The following MCC variants were observed in gnomAD, a reference collection of about 807,000 sequenced individuals.
MCC encodes MCC regulator of Wnt signaling pathway, also known as colorectal mutant cancer protein.
In MCC, 90 loss-of-function variants were observed where a neutral mutation model predicts 116.2. The observed-to-expected ratio is 0.77, with a 90% CI of 0.65 to 0.92. MCC has a LOEUF of 0.92. Ranked by LOEUF, MCC falls within the 40% of genes least tolerant of loss-of-function variation. The probability of loss-of-function intolerance (pLI) is 0.00; values close to 1 mark genes in which losing one functional copy is unlikely to be tolerated. For missense variants in MCC, 1,516 were observed against 1,312.2 expected (o/e 1.16, Z -2.40); for synonymous variants, 578 against 510.5 (o/e 1.13, Z -1.78).
intron 17 of MCC, among the ~76,000 whole-genome samples, chr5:113,038,385 C>T (rs868854660): frequency 6.6e-6 from 1 of 152,028 alleles, no homozygotes. Flanking sequence ...GACTCTCTTT[C>T]TGTGTGGGGA....
intron 5 of MCC, among the ~76,000 whole-genome samples, chr5:113,124,959 A>C (rs1209566875): frequency 6.6e-6 from 1 of 152,246 alleles, no homozygotes; most frequent in Non-Finnish European, 1.5e-5. Context: ...GCTCAAGATC[A>C]GTTAGGACCT....
chr5:113,434,135 G>A lies in MCC; in HGVS notation c.171-48923C>T. 1 of 1,614,206 alleles carries A rather than the reference G, an allele frequency of 6.2e-7. No homozygotes were observed. Among genetic ancestry groups the A allele is most frequent in the East Asian group, 2.2e-5 (1 of 44,888 alleles). Reference sequence around the variant, plus strand: ...CGCCTGTCAGGTGCTTGGAGCGTGGGAAGTTGACGCGGTGCTCCTTCTGGA... The same window carrying A: ...CGCCTGTCAGGTGCTTGGAGCGTGGAAAGTTGACGCGGTGCTCCTTCTGGA... On this transcript the variant is annotated intron_variant, in intron 1 of 18. Coordinates refer to ENST00000408903, the MANE Select transcript of MCC (RefSeq NM_001085377.2). The surrounding 1 kb of genome is among the most constrained non-coding windows in gnomAD (Gnocchi z 4.2).
chr5:113,258,246 G>A (rs1404356866), intron 3 of MCC, among the ~76,000 whole-genome samples: 4 of 152,212 alleles, frequency 2.6e-5, no homozygotes, highest in Admixed American at 2.6e-4. Context: ...ATGTGCTTAT[G>A]TGTATACTGA....
chr5:113,032,095 A>G lies in MCC; in HGVS notation c.2757-3039T>C, dbSNP rs370966765. Among the ~76,000 whole-genome samples, 46 of 152,338 alleles carry G rather than the reference A, an allele frequency of 3.0e-4. 1 individual carries two copies. Among genetic ancestry groups the G allele is most frequent in the African/African-American group, 9.6e-4 (40 of 41,580 alleles). ...TCATGACAACACAAAAAAATGTAAA[A>G]TATCTATTTAGTTTAAAAAATACTG... On this transcript the variant is annotated intron_variant, in intron 17 of 18. Coordinates refer to ENST00000408903, the MANE Select transcript of MCC (RefSeq NM_001085377.2).
rs117049411 is a variant in MCC at position 113,030,871 on chromosome 5, G to A, written c.2757-1815C>T. ...TAACTCCTGAAGGGGGTTGATGGGA[G>A]GCTTTCATTTTCTACTTCACTCACT... On this transcript the variant is annotated intron_variant, in intron 17 of 18. Transcript: ENST00000408903. Among the ~76,000 whole-genome samples, 372 of 152,276 alleles carry A rather than the reference G, an allele frequency of 2.4e-3. 12 individuals carry two copies. The East Asian group carries it at 0.069, about 28-fold the overall frequency.
At chr5:113,283,011 C>G (rs997831844) in intron 3 of MCC, among the ~76,000 whole-genome samples, 1 of 152,188 alleles carries the variant, frequency 6.6e-6, no homozygotes, top group Non-Finnish European at 1.5e-5. Flanking sequence ...CCTGACATTG[C>G]TAGTCAGGCC....
At chr5:113,338,174 G>C (rs1767915981) in intron 3 of MCC, among the ~76,000 whole-genome samples, 1 of 152,198 alleles carries the variant, frequency 6.6e-6, no homozygotes, top group South Asian at 2.1e-4. Context: ...TGTAATCATA[G>C]TCATAGGACT....
Position 113,280,289 on chromosome 5 carries a change from C to T in MCC, c.627+60230G>A, listed in dbSNP as rs116166246. 2.5e-3 allele frequency among the ~76,000 whole-genome samples: 384 copies of T among 152,272 alleles called. 3 individuals are homozygous for T. The highest frequency in any genetic ancestry group is 8.7e-3 in the African/African-American group (361 of 41,550). ...GGTGGTGGGTTCCAGGGGCTCACAC[C>T]GCTGGTTGATATAAAAGTAGTTGCC... On this transcript the variant is annotated intron_variant, in intron 3 of 18. Transcript: ENST00000408903.
chr5:113,463,064 T>C (rs925734848), intron 1 of MCC, among the ~76,000 whole-genome samples: 1 of 152,166 alleles, frequency 6.6e-6, no homozygotes, highest in African/African-American at 2.4e-5. Flanking sequence ...GAGCTGAGTT[T>C]ACAGTTTGAG....
At position 113,434,527 on chromosome 5, in the gene MCC, G is replaced by A. The variant is rs201361921; in HGVS notation, c.171-49315C>T. On this transcript the variant is annotated intron_variant, in intron 1 of 18. Transcript: ENST00000408903. The surrounding 1 kb of genome is among the most constrained non-coding windows in gnomAD (Gnocchi z 4.2). ...GCTTCGTCCTCATGCAGGGCTCCCC[G>A]GGTTTTGATTAACTCGAGGAGGTCG... 298 of 1,612,498 alleles carry A rather than the reference G, an allele frequency of 1.8e-4. No individual in the cohort carries two copies. The highest frequency in any genetic ancestry group is 2.4e-4 in the Non-Finnish European group (288 of 1,178,872).
At chr5:113,042,337 T>TG (rs1398989011) in intron 17 of MCC, among the ~76,000 whole-genome samples, 8 of 139,076 alleles carry the variant, frequency 5.8e-5, no homozygotes, top group Non-Finnish European at 1.5e-5. Context: ...TAGCCAGGTG[T>TG]GGGGGCATGC....
intron 6 of MCC, among the ~76,000 whole-genome samples, chr5:113,113,032 G>A (rs915890016): frequency 1.3e-5 from 2 of 152,176 alleles, no homozygotes; most frequent in African/African-American, 2.4e-5. Flanking sequence ...GCAGCTGTAG[G>A]CCTGCTACGA....
intron 17 of MCC, among the ~76,000 whole-genome samples, chr5:113,031,298 A>G (rs1346243464): frequency 6.6e-6 from 1 of 152,136 alleles, no homozygotes; most frequent in Non-Finnish European, 1.5e-5. Context: ...GGGCCCTAGC[A>G]GCCTCCAGGA....
At chr5:113,441,682 A>G (rs10478123) in intron 1 of MCC, among the ~76,000 whole-genome samples, 17,501 of 152,054 alleles carry the variant, frequency 0.12, 1,743 homozygotes, top group African/African-American at 0.27. Context: ...GCCCCAGTGT[A>G]TGATGTTCCC....
chr5:113,172,424 T>A (rs987303187), intron 3 of MCC, among the ~76,000 whole-genome samples: 3 of 152,220 alleles, frequency 2.0e-5, no homozygotes, highest in African/African-American at 7.2e-5. Flanking sequence ...TTGGTCAGCC[T>A]CAAGTTGCTA....
intron 13 of MCC, among the ~76,000 whole-genome samples, chr5:113,064,410 G>A (rs1233083382): frequency 1.3e-5 from 2 of 152,222 alleles, no homozygotes; most frequent in African/African-American, 2.4e-5. Context: ...ACAAGTGTAG[G>A]AGTTAACCAA....
intron 6 of MCC, among the ~76,000 whole-genome samples, chr5:113,121,613 A>G (rs1024055424): frequency 6.6e-6 from 1 of 152,224 alleles, no homozygotes; most frequent in Non-Finnish European, 1.5e-5. Flanking sequence ...ATACACTCTC[A>G]TAGTACTGTG....
chr5:113,152,463 A>C (rs947094865), intron 3 of MCC, among the ~76,000 whole-genome samples: 3 of 152,224 alleles, frequency 2.0e-5, no homozygotes, highest in Non-Finnish European at 4.4e-5. Context: ...GAATTAGAAC[A>C]AACCAACCCC....
At chr5:113,146,888 G>C (rs1400924332) in intron 4 of MCC, among the ~76,000 whole-genome samples, 2 of 152,092 alleles carry the variant, frequency 1.3e-5, no homozygotes, top group African/African-American at 4.8e-5. Flanking sequence ...ATTTTTGACT[G>C]AAGGTACAGT....
Sources: gnomAD v4.1 joint callset for allele counts (sites outside exome capture counted in the v4.1 genomes callset) on GRCh38, gnomAD v4.1.1 for gene constraint, Gnocchi (gnomAD v3.1) non-coding constraint, MANE v1.5 for transcripts, NCBI Gene and HGNC (gene_info 2026-07-23, HGNC 2026-07-21) for gene names.